Variants in LRRTM4 observed in about 807,000 individuals in gnomAD.
LRRTM4 encodes leucine-rich repeat transmembrane neuronal protein 4.
Under a neutral mutation model 47.6 loss-of-function variants are expected in LRRTM4, and 25 were observed. That is an observed-to-expected ratio of 0.53 (90% CI 0.38 to 0.73). The LOEUF (loss-of-function observed/expected upper bound fraction) is 0.73. Among genes scored for constraint, LRRTM4 ranks in the 30% least tolerant of loss-of-function variants. The pLI is 0.00. For missense variants in LRRTM4, 638 were observed against 713.4 expected, an observed-to-expected ratio of 0.89 and a Z score of 1.20; for synonymous variants, 311 against 269.5, an observed-to-expected ratio of 1.15 and a Z score of -1.51.
intron 3 of LRRTM4, among the ~76,000 whole-genome samples, chr2:77,227,018 A>G (rs1163054720): frequency 6.6e-6 from 1 of 151,972 alleles, no homozygotes; most frequent in Non-Finnish European, 1.5e-5. Context: ...TATGTTCTCC[A>G]CTGACTGTTA....
intron 3 of LRRTM4, among the ~76,000 whole-genome samples, chr2:77,108,235 T>C (rs1671150963): frequency 6.6e-6 from 1 of 152,064 alleles, no homozygotes; most frequent in Non-Finnish European, 1.5e-5. Context: ...CAAATGATAA[T>C]TCATTGTATG....
rs1371189658 is a variant in LRRTM4, at chr2:76,873,504, G to GTATATATA, written c.1552-124589_1552-124588insTATATATA. On this transcript the variant is annotated intron_variant, in intron 3 of 3. Coordinates refer to ENST00000409884, the MANE Select transcript of LRRTM4 (RefSeq NM_001134745.3). The stretch of plus-strand genomic sequence containing the variant: ...TATATGTGTGTGTGTATATATATGT[G>GTATATATA]TGTATATATATATATATATATATAT... 7.2e-3 allele frequency among the ~76,000 whole-genome samples: 524 copies of GTATATATA among 73,164 alleles called. 6 individuals carry two copies. Among genetic ancestry groups the GTATATATA allele is most frequent in the African/African-American group, 0.02 (471 of 23,674 alleles). The allele number at this position is 73,164 out of a possible 152,430, so 48.0% of individuals were successfully genotyped here. A position where few individuals can be genotyped will look rare whatever the true frequency, so the allele number is the denominator to read the frequency against.
At chr2:77,132,900 T>C (rs950092309) in intron 3 of LRRTM4, among the ~76,000 whole-genome samples, 1 of 151,776 alleles carries the variant, frequency 6.6e-6, no homozygotes, top group African/African-American at 2.4e-5. Flanking sequence ...GTGTAGAACA[T>C]TGGGAGGGAA....
At chr2:77,345,901 C>G (rs564401055) in intron 3 of LRRTM4, among the ~76,000 whole-genome samples, 10 of 151,462 alleles carry the variant, frequency 6.6e-5, no homozygotes, top group Non-Finnish European at 1.3e-4. Flanking sequence ...TCAAAGAAAA[C>G]TTGTACATGA....
intron 3 of LRRTM4, among the ~76,000 whole-genome samples, chr2:77,365,404 T>C (rs1341244808): frequency 6.6e-6 from 1 of 152,006 alleles, no homozygotes; most frequent in Non-Finnish European, 1.5e-5. Flanking sequence ...ATGAATATAC[T>C]AAAGAGTCAT....
At chr2:77,407,714 T>A (rs905685298) in intron 3 of LRRTM4, among the ~76,000 whole-genome samples, 2 of 122,978 alleles carry the variant, frequency 1.6e-5, no homozygotes, top group African/African-American at 6.9e-5. Flanking sequence ...TAATATATCA[T>A]ATATTATATT....
At position 77,024,901 on chromosome 2, in the gene LRRTM4, ATG is replaced by A. The variant is rs572945105; in HGVS notation, c.1552-275987_1552-275986del. ...AATGTAGGACACTTCTTAATTGATA[ATG>A]TGGATAATATTTTCAAAATATTTCC... On this transcript the variant is annotated intron_variant, in intron 3 of 3. Transcript: ENST00000409884. Among the ~76,000 whole-genome samples the A allele has an allele frequency of 5.2e-4, 79 of 152,312 alleles. 1 individual carries two copies. Among genetic ancestry groups the A allele is most frequent in the African/African-American group, 1.8e-3 (74 of 41,576 alleles).
intron 3 of LRRTM4, among the ~76,000 whole-genome samples, chr2:77,113,436 T>G (rs1472091651): frequency 6.6e-6 from 1 of 152,160 alleles, no homozygotes; most frequent in Non-Finnish European, 1.5e-5. Context: ...TTGTACACCT[T>G]GAGCATTATG....
At chr2:77,202,313 G>GA (rs1673998827) in intron 3 of LRRTM4, among the ~76,000 whole-genome samples, 1 of 151,918 alleles carries the variant, frequency 6.6e-6, no homozygotes, top group Non-Finnish European at 1.5e-5. Context: ...GCTGAAATAG[G>GA]AAAAAACCCA....
At chr2:76,781,245 G>C (rs1214337421) in intron 3 of LRRTM4, among the ~76,000 whole-genome samples, 1 of 151,634 alleles carries the variant, frequency 6.6e-6, no homozygotes, top group Non-Finnish European at 1.5e-5. Context: ...AGCCTACAGA[G>C]GCAGGCAGGC....
chr2:76,890,116 A>G (rs1673204884), intron 3 of LRRTM4, among the ~76,000 whole-genome samples: 1 of 152,040 alleles, frequency 6.6e-6, no homozygotes, highest in Admixed American at 6.6e-5. Flanking sequence ...GCAAGACGGA[A>G]TCTGAGATTT....
intron 3 of LRRTM4, among the ~76,000 whole-genome samples, chr2:77,493,662 GAAGT>G (rs1170907822): frequency 6.6e-6 from 1 of 152,076 alleles, no homozygotes; most frequent in African/African-American, 2.4e-5. Flanking sequence ...AAGTTATAAA[GAAGT>G]GAGTTTAGAA....
chr2:76,764,302 G>A (rs1673370373), intron 3 of LRRTM4, among the ~76,000 whole-genome samples: 1 of 152,218 alleles, frequency 6.6e-6, no homozygotes, highest in Non-Finnish European at 1.5e-5. Flanking sequence ...CAATAAGGCT[G>A]TGACTGGACC....
intron 3 of LRRTM4, among the ~76,000 whole-genome samples, chr2:77,025,172 C>G (rs943813437): frequency 6.6e-6 from 1 of 152,114 alleles, no homozygotes; most frequent in Admixed American, 6.6e-5. Flanking sequence ...AAATCCATGA[C>G]ATGTCAAGAG....
chr2:76,748,916 T>G lies in LRRTM4; in HGVS notation c.1552A>C (p.Met518Leu). Residue 518 changes from methionine (M) to leucine (L), a missense_variant and splice_region_variant, in exon 4 of 4, where the codon ATG becomes CTG. Coordinates refer to ENST00000409884, the MANE Select transcript of LRRTM4 (RefSeq NM_001134745.3). ...YTISGSRECE[M>L]PHHMKPLPYY... ...GGCAAGGGCTTCATGTGGTGTGGCA[T>G]CTGGATATGAGAAATAGAAAGATGG... 6.2e-7 allele frequency: 1 copy of G among 1,613,452 alleles called. No individual in the cohort carries two copies. The highest frequency in any genetic ancestry group is 1.7e-5 in the Admixed American group (1 of 59,988).
intron 3 of LRRTM4, among the ~76,000 whole-genome samples, chr2:77,372,352 T>C (rs566298918): frequency 6.6e-6 from 1 of 151,906 alleles, no homozygotes; most frequent in East Asian, 1.9e-4. Context: ...ATTTATATTA[T>C]TAACAATTTT....
chr2:77,287,207 G>T (rs563246815), intron 3 of LRRTM4, among the ~76,000 whole-genome samples: 19 of 152,030 alleles, frequency 1.2e-4, no homozygotes, highest in African/African-American at 4.6e-4. Context: ...GGGGTATAAT[G>T]GAAATTCAGG....
intron 3 of LRRTM4, among the ~76,000 whole-genome samples, chr2:77,366,385 T>A (rs1456342207): frequency 6.6e-6 from 1 of 151,884 alleles, no homozygotes; most frequent in Non-Finnish European, 1.5e-5. Flanking sequence ...TTTTACCTAA[T>A]CACTCACTAC....
At chr2:77,114,868 G>A (rs1023683187) in intron 3 of LRRTM4, among the ~76,000 whole-genome samples, 1 of 152,084 alleles carries the variant, frequency 6.6e-6, no homozygotes, top group Non-Finnish European at 1.5e-5. Context: ...ACGAGGCAAG[G>A]CAAAATTAGA....
Sources: allele counts gnomAD v4.1 joint callset (sites outside exome capture counted in the v4.1 genomes callset), GRCh38; gene constraint gnomAD v4.1.1; transcripts MANE v1.5; gene names NCBI Gene and HGNC (gene_info 2026-07-23, HGNC 2026-07-21).